Variants in ZC3H7A observed in about 807,000 individuals in gnomAD.
The protein encoded by ZC3H7A is zinc finger CCCH-type containing 7A, also known as zinc finger CCCH domain-containing protein 7A.
A neutral mutation model predicts 125.5 loss-of-function variants in ZC3H7A; 44 were observed. That is an observed-to-expected ratio of 0.35 (90% CI 0.28 to 0.45). The LOEUF (loss-of-function observed/expected upper bound fraction) is 0.45. Among genes scored for constraint, ZC3H7A ranks in the 20% least tolerant of loss-of-function variants. The pLI is 1.00. For synonymous variants in ZC3H7A, 399 were observed against 391.2 expected (o/e 1.02, Z -0.23); for missense variants, 977 against 1,170.7 (o/e 0.83, Z 2.41).
intron 21 of ZC3H7A, chr16:11,753,544 T>C (rs1050838064): frequency 6.6e-6 from 1 of 152,410 alleles, no homozygotes; most frequent in Non-Finnish European, 1.5e-5. Flanking sequence ...TGGGCTCAAG[T>C]GGTCCTCCCA....
In ZC3H7A at chr16:11,769,710, C is replaced by CAAAAAAAAAAAAAAAA. The variant is rs529124830; in HGVS notation, c.1109-631_1109-616dup. Among the ~76,000 whole-genome samples the CAAAAAAAAAAAAAAAA allele has an allele frequency of 4.3e-4, 14 of 32,554 alleles. 3 individuals carry two copies. The highest frequency in any genetic ancestry group is 2.1e-3 in the African/African-American group (11 of 5,330). 21.4% of individuals were successfully genotyped at this position (32,554 alleles called of 152,430 possible). On this transcript the variant is annotated intron_variant, in intron 10 of 22. Transcript: ENST00000355758. Reference sequence around the variant, plus strand: ...TGGGCAACAGAGTGAGACTCTGTCTCAAAAAAAAAAAAAAAAAAAGCAGGA... The same window carrying CAAAAAAAAAAAAAAAA: ...TGGGCAACAGAGTGAGACTCTGTCTCAAAAAAAAAAAAAAAAAAAAAAAAAAAAAAAAAAAGCAGGA...
At chr16:11,777,533 C>G (rs1399006323) in intron 4 of ZC3H7A, among the ~76,000 whole-genome samples, 1 of 151,984 alleles carries the variant, frequency 6.6e-6, no homozygotes, top group Non-Finnish European at 1.5e-5. Context: ...CCAGCCTGGC[C>G]AACATGGTAA....
At chr16:11,788,122 A>C (rs2053287436) in intron 1 of ZC3H7A, among the ~76,000 whole-genome samples, 1 of 152,190 alleles carries the variant, frequency 6.6e-6, no homozygotes, top group African/African-American at 2.4e-5. Context: ...TTAACCCAAC[A>C]GTCTCTTTTC....
chr16:11,774,259 G>T lies in ZC3H7A; in HGVS notation c.880C>A (p.Pro294Thr). 1 of 1,599,248 alleles carries T rather than the reference G, an allele frequency of 6.3e-7. No homozygotes were observed. The highest frequency in any genetic ancestry group is 8.5e-7 in the Non-Finnish European group (1 of 1,169,930). The change falls in exon 9 of 23, where the codon CCT becomes ACT. Residue 294 changes from proline to threonine, a missense_variant. Transcript: ENST00000355758. ...DELDDLLDSA[P>T]ETNETVMPSA... ...ACCATAACAGTTTCATTAGTTTCAG[G>T]TGCAGAATCAAGCAGGTCATCTAGT...
chr16:11,778,234 C>T (rs1263163695), intron 4 of ZC3H7A, among the ~76,000 whole-genome samples: 1 of 151,364 alleles, frequency 6.6e-6, no homozygotes, highest in Non-Finnish European at 1.5e-5. Flanking sequence ...TTCAGGAGAT[C>T]GAGAACAGCC....
At chr16:11,791,472 C>T (rs2053351211) in intron 1 of ZC3H7A, among the ~76,000 whole-genome samples, 3 of 152,198 alleles carry the variant, frequency 2.0e-5, no homozygotes, top group Non-Finnish European at 2.9e-5. Flanking sequence ...TGCCTCACCC[C>T]AGTCTCACCC....
chr16:11,788,965 A>G lies in ZC3H7A; in HGVS notation c.-34-6577T>C, dbSNP rs114480043. ...GTATCTTGATTGTGGGAGTGGTTAC[A>G]TGAATTTATGCATGGGATAAAACTG... is the stretch of plus-strand genomic sequence containing the variant. On this transcript the variant is annotated intron_variant, in intron 1 of 22. Transcript: ENST00000355758. 9.1e-3 allele frequency among the ~76,000 whole-genome samples: 1,374 copies of G among 151,254 alleles called. 19 individuals are homozygous for G. The highest frequency in any genetic ancestry group is 0.028 in the African/African-American group (1,158 of 41,488).
intron 19 of ZC3H7A, chr16:11,758,795 A>G: frequency 2.6e-6 from 1 of 391,716 alleles, no homozygotes; most frequent in Non-Finnish European, 4.6e-6. Flanking sequence ...CTTACAAGAA[A>G]ATGTCTACAA....
rs2053083321 is a variant in ZC3H7A, at chr16:11,776,543, T to A, written c.466-11A>T. On this transcript the variant is annotated splice_polypyrimidine_tract_variant and intron_variant, in intron 5 of 22. Coordinates refer to ENST00000355758, the MANE Select transcript of ZC3H7A (RefSeq NM_014153.4). Reference sequence around the variant, plus strand: ...TATTACATGCTCATCCTGAAAAAAATAAGTATGTATAATTAACAGGGTTAT... The same window carrying A: ...TATTACATGCTCATCCTGAAAAAAAAAAGTATGTATAATTAACAGGGTTAT... 1 of 1,594,396 alleles carries A rather than the reference T, an allele frequency of 6.3e-7. No homozygotes were observed. Among genetic ancestry groups the A allele is most frequent in the Non-Finnish European group, 8.5e-7 (1 of 1,171,732 alleles).
intron 13 of ZC3H7A, among the ~76,000 whole-genome samples, chr16:11,766,330 C>T (rs1282283956): frequency 1.3e-5 from 2 of 152,114 alleles, no homozygotes; most frequent in Admixed American, 1.3e-4. Context: ...TTTGGGAGGC[C>T]GAGGCAGGCA....
chr16:11,760,140 A>AAG (rs1567374788), intron 19 of ZC3H7A, among the ~76,000 whole-genome samples: 4 of 149,596 alleles, frequency 2.7e-5, no homozygotes, highest in African/African-American at 1.0e-4. Context: ...AAAAAAAAAA[A>AAG]AAAAAGAAAA....
chr16:11,788,515 C>A (rs1270572770), intron 1 of ZC3H7A, among the ~76,000 whole-genome samples: 1 of 152,172 alleles, frequency 6.6e-6, no homozygotes, highest in Non-Finnish European at 1.5e-5. Flanking sequence ...ACTTAGCCAC[C>A]CATTTGCCCT....
chr16:11,782,503 G>C, intron 1 of ZC3H7A, 115 bp from the exon 2 acceptor site: 1 of 854,446 alleles, frequency 1.2e-6, no homozygotes, highest in South Asian at 1.5e-5. Flanking sequence ...ATCCATTTCT[G>C]ACTTGACTCC....
chr16:11,785,840 C>G (rs1490128699), intron 1 of ZC3H7A, among the ~76,000 whole-genome samples: 1 of 152,144 alleles, frequency 6.6e-6, no homozygotes, highest in Non-Finnish European at 1.5e-5. Context: ...AGGATGGTCT[C>G]GATCTCCTGA....
intron 18 of ZC3H7A, 50 bp downstream of exon 18, chr16:11,761,860 A>G: frequency 6.2e-7 from 1 of 1,600,784 alleles, no homozygotes; most frequent in Non-Finnish European, 8.5e-7. Flanking sequence ...TTTTATACCT[A>G]CGAAACAGAA....
chr16:11,758,689 A>C, intron 19 of ZC3H7A, 150 bp from the exon 20 acceptor site: 1 of 610,854 alleles, frequency 1.6e-6, no homozygotes, highest in Non-Finnish European at 2.8e-6. Flanking sequence ...ACTCAAATTA[A>C]CTATATGCTC....
chr16:11,780,967 T>G (rs1228910922), intron 3 of ZC3H7A, among the ~76,000 whole-genome samples: 1 of 152,212 alleles, frequency 6.6e-6, no homozygotes, highest in African/African-American at 2.4e-5. Flanking sequence ...CAATAAATTC[T>G]GTCCCACTTA....
chr16:11,766,703 T>C (rs1338740299), intron 13 of ZC3H7A, among the ~76,000 whole-genome samples: 1 of 152,102 alleles, frequency 6.6e-6, no homozygotes, highest in Admixed American at 6.6e-5. Flanking sequence ...GGCAACATAG[T>C]GAAACCCTGT....
intron 1 of ZC3H7A, among the ~76,000 whole-genome samples, chr16:11,784,113 T>G (rs553766706): frequency 6.6e-6 from 1 of 152,120 alleles, no homozygotes; most frequent in South Asian, 2.1e-4. Flanking sequence ...ATAAGAAGTT[T>G]AAGAAGTCCA....
Sources: allele counts gnomAD v4.1 joint callset (sites outside exome capture counted in the v4.1 genomes callset), GRCh38; gene constraint gnomAD v4.1.1; transcripts MANE v1.5; gene names NCBI Gene and HGNC (gene_info 2026-07-23, HGNC 2026-07-21).